Variants in EYA3 observed in about 807,000 individuals in gnomAD.
EYA3 encodes the protein EYA transcriptional coactivator and phosphatase 3.
EYA3 carries 39 observed loss-of-function variants against 80.0 expected under a neutral mutation model. That is an observed-to-expected ratio of 0.49 (90% CI 0.38 to 0.64). EYA3 has a LOEUF of 0.64. EYA3 is among the 30% of genes least tolerant of loss of function. The probability of loss-of-function intolerance (pLI) is 0.00; values close to 1 mark genes in which losing one functional copy is unlikely to be tolerated. For synonymous variants in EYA3, 206 were observed against 232.8 expected (o/e 0.88, Z 1.05); for missense variants, 523 against 676.1 (o/e 0.77, Z 2.51).
At chr1:28,026,524 G>A (rs1378743211) in intron 7 of EYA3, among the ~76,000 whole-genome samples, 1 of 152,098 alleles carries the variant, frequency 6.6e-6, no homozygotes, top group East Asian at 1.9e-4. Context: ...AGGCTGAGGT[G>A]AGAGGATCAC....
chr1:28,038,390 C>T (rs1193155244), intron 5 of EYA3, among the ~76,000 whole-genome samples: 6 of 139,918 alleles, frequency 4.3e-5, no homozygotes, highest in South Asian at 2.3e-4. Context: ...GAGCCAAGAT[C>T]GTGCCACTGC....
At chr1:28,058,396 AT>A (rs1644505887) in intron 1 of EYA3, among the ~76,000 whole-genome samples, 1 of 152,144 alleles carries the variant, frequency 6.6e-6, no homozygotes, top group African/African-American at 2.4e-5. Context: ...ATAATAAAAT[AT>A]TTTTTTAAGG....
chr1:28,026,143 C>G (rs4908389), intron 7 of EYA3, among the ~76,000 whole-genome samples: 54,188 of 152,186 alleles, frequency 0.36, 10,359 homozygotes, highest in South Asian at 0.46. Flanking sequence ...GCACAGCTAT[C>G]ACATTCCTCA....
chr1:27,989,836 T>G (rs1276134394), intron 14 of EYA3, 25 bp from the exon 15 acceptor site: 1 of 1,458,942 alleles, frequency 6.9e-7, no homozygotes, highest in African/African-American at 1.4e-5. Context: ...GCAGACACAT[T>G]TATCATTTGA....
intron 1 of EYA3, among the ~76,000 whole-genome samples, chr1:28,074,022 G>C (rs960057997): frequency 6.6e-6 from 1 of 152,094 alleles, no homozygotes; most frequent in Non-Finnish European, 1.5e-5. Context: ...TTATTTATTA[G>C]TAACGAGATC....
intron 9 of EYA3, among the ~76,000 whole-genome samples, chr1:28,012,882 G>A (rs946634287): frequency 3.9e-5 from 6 of 152,178 alleles, no homozygotes; most frequent in African/African-American, 1.4e-4. Context: ...GTACGAGTCA[G>A]AAAGAGTCTT....
At chr1:28,068,783 GGTTT>G (rs916863413) in intron 1 of EYA3, among the ~76,000 whole-genome samples, 4 of 151,986 alleles carry the variant, frequency 2.6e-5, no homozygotes, top group African/African-American at 9.7e-5. Context: ...TGATTTACTG[GGTTT>G]TTTTGTTTGT....
Position 27,973,778 on chromosome 1 carries a change from T to C in EYA3, c.*688A>G, listed in dbSNP as rs1638813925. 6.6e-6 allele frequency: 1 copy of C among 151,858 alleles called. No individual in the cohort carries two copies. Among genetic ancestry groups the C allele is most frequent in the Non-Finnish European group, 1.5e-5 (1 of 67,980 alleles). 9.4% of individuals were successfully genotyped at this position (151,858 alleles called of 1,614,324 possible). A position where few individuals can be genotyped will look rare whatever the true frequency, so the allele number is the denominator to read the frequency against. On this transcript the variant is annotated 3_prime_UTR_variant, in exon 18 of 18. Coordinates refer to ENST00000373871, the MANE Select transcript of EYA3 (RefSeq NM_001990.4). ...TAGAGGTGCTACTGCCACAGGGAGG[T>C]ATTTTAGATATTTCAATTACTATTT...
intron 8 of EYA3, among the ~76,000 whole-genome samples, chr1:28,014,920 G>A (rs1289930990): frequency 6.6e-6 from 1 of 152,120 alleles, no homozygotes; most frequent in Non-Finnish European, 1.5e-5. Flanking sequence ...CATTGACACT[G>A]ATAATGATGG....
intron 14 of EYA3, 43 bp from the exon 15 acceptor site, chr1:27,989,854 T>C (rs1020178146): frequency 9.0e-6 from 12 of 1,336,490 alleles, no homozygotes; most frequent in African/African-American, 7.4e-5. Flanking sequence ...TGACAACATA[T>C]ATTTGCTGAC....
chr1:28,025,166 T>A (rs1027125198), intron 7 of EYA3, among the ~76,000 whole-genome samples: 6 of 152,190 alleles, frequency 3.9e-5, no homozygotes, highest in African/African-American at 1.4e-4. Flanking sequence ...ATACCAATAA[T>A]ACCCACGTTT....
intron 5 of EYA3, among the ~76,000 whole-genome samples, chr1:28,037,546 T>C (rs1358401157): frequency 6.6e-6 from 1 of 151,744 alleles, no homozygotes; most frequent in Non-Finnish European, 1.5e-5. Context: ...AAGACCATAA[T>C]GTCCTTTTTC....
intron 13 of EYA3, among the ~76,000 whole-genome samples, chr1:27,995,771 T>A (rs1406812239): frequency 6.6e-6 from 1 of 151,780 alleles, no homozygotes; most frequent in Non-Finnish European, 1.5e-5. Context: ...AATGAATAAA[T>A]TAAAATAAAA....
At position 28,038,860 on chromosome 1, in the gene EYA3, G is replaced by C. The variant is rs1424650571; in HGVS notation, c.203C>G (p.Thr68Ser). The stretch of plus-strand genomic sequence containing the variant: ...TTACTTTGCAGAATACATTTGTGAG[G>C]TATAATCATTGGATGAGCGAGGGAT... ...DYIPRSSNDY[T>S]SQMYSAKPYA... The change falls in exon 5 of 18, where the codon ACC (threonine) becomes AGC (serine). Residue 68 changes from threonine (T) to serine (S), a missense_variant. By Grantham distance (58) the Thr-to-Ser change is moderately conservative. Coordinates refer to ENST00000373871, the MANE Select transcript of EYA3 (RefSeq NM_001990.4). 3 of 1,596,956 alleles carry C rather than the reference G, an allele frequency of 1.9e-6. No homozygotes were observed. The Admixed American group carries it at 5.0e-5, about 27-fold the overall frequency.
chr1:28,033,363 T>C (rs1383977754), intron 6 of EYA3, among the ~76,000 whole-genome samples: 3 of 152,138 alleles, frequency 2.0e-5, no homozygotes, highest in South Asian at 2.1e-4. Context: ...TCTGAGAATA[T>C]GCCATCTCTA....
chr1:27,973,291 C>A lies in EYA3; in HGVS notation c.*1175G>T, dbSNP rs542858926. On this transcript the variant is annotated 3_prime_UTR_variant, in exon 18 of 18. Coordinates refer to ENST00000373871, the MANE Select transcript of EYA3 (RefSeq NM_001990.4). ...CATGTTTTTAGATTTGATTTGAATTCTTGGGTCTAATACCCGGGGACTGGC... is the reference window on the plus strand; with the variant it reads ...CATGTTTTTAGATTTGATTTGAATTATTGGGTCTAATACCCGGGGACTGGC... 2.6e-5 allele frequency: 4 copies of A among 152,250 alleles called. No homozygotes were observed. Among genetic ancestry groups the A allele is most frequent in the Admixed American group, 2.0e-4 (3 of 15,276 alleles). 9.4% of individuals were successfully genotyped at this position (152,250 alleles called of 1,614,324 possible).
At chr1:27,977,865 G>A (rs2492957) in intron 17 of EYA3, among the ~76,000 whole-genome samples, 141,298 of 147,044 alleles carry the variant, frequency 0.96, 68,077 homozygotes, top group South Asian at 1. Context: ...GAAAAAAAAA[G>A]AAAAAAGAAA....
chr1:28,073,777 T>C (rs1343728191), intron 1 of EYA3, among the ~76,000 whole-genome samples: 1 of 152,190 alleles, frequency 6.6e-6, no homozygotes, highest in Non-Finnish European at 1.5e-5. Flanking sequence ...TATGCATCTG[T>C]AAAACTTACA....
At chr1:28,058,317 T>C (rs1012441706) in intron 1 of EYA3, among the ~76,000 whole-genome samples, 1 of 152,214 alleles carries the variant, frequency 6.6e-6, no homozygotes, top group Non-Finnish European at 1.5e-5. Context: ...AGCCAACATG[T>C]GGAACCACTT....
Sources: gnomAD v4.1 joint callset for allele counts (sites outside exome capture counted in the v4.1 genomes callset) on GRCh38, gnomAD v4.1.1 for gene constraint, MANE v1.5 for transcripts, NCBI Gene and HGNC (gene_info 2026-07-23, HGNC 2026-07-21) for gene names.